Variants in LANCL1 observed in about 807,000 individuals in gnomAD.
LANCL1 encodes the protein LanC like glutathione S-transferase 1.
In LANCL1, 50 loss-of-function variants were observed where a neutral mutation model predicts 50.6. The observed-to-expected ratio is 0.99, with a 90% CI of 0.79 to 1.25. The LOEUF is 1.25. Among genes scored for constraint, LANCL1 ranks in the 50% most tolerant of loss-of-function variants. The pLI, the probability that LANCL1 is intolerant of heterozygous loss-of-function variation, is 0.00. For synonymous variants in LANCL1, 188 were observed against 178.6 expected (o/e 1.05, Z -0.42); for missense variants, 532 against 480.7 (o/e 1.11, Z -1.00).
intron 2 of LANCL1, 75 bp downstream of exon 2, chr2:210,476,241 C>A: frequency 9.8e-7 from 1 of 1,021,680 alleles, no homozygotes; most frequent in Non-Finnish European, 1.5e-6. Flanking sequence ...GCTCAACTCT[C>A]TCAGGCAAAA....
chr2:210,471,538 C>G lies in LANCL1; in HGVS notation c.199+421G>C, dbSNP rs142540579. 237 of 457,844 alleles carry G rather than the reference C, an allele frequency of 5.2e-4. 1 individual carries two copies. Among genetic ancestry groups the G allele is most frequent in the African/African-American group, 3.7e-3 (188 of 50,200 alleles). 28.4% of individuals were successfully genotyped at this position (457,844 alleles called of 1,614,324 possible). On this transcript the variant is annotated intron_variant, in intron 3 of 9. Transcript: ENST00000450366. ...TGGATTCCTGTATGGATTCCTGTTA[C>G]GGGTTAACTTTTTAAAACATGCTTC...
chr2:210,440,491 A>G, intron 6 of LANCL1, 107 bp downstream of exon 6: 3 of 1,039,926 alleles, frequency 2.9e-6, no homozygotes, highest in Non-Finnish European at 4.1e-6. Flanking sequence ...ACTGTAATGC[A>G]GTGGTTGACA....
intron 4 of LANCL1, among the ~76,000 whole-genome samples, chr2:210,443,630 C>T (rs1270364562): frequency 2.0e-5 from 3 of 152,134 alleles, no homozygotes; most frequent in Admixed American, 1.3e-4. Flanking sequence ...TAAGCAGAAG[C>T]AGTGTGCCGT....
chr2:210,439,044 G>GAAT (rs1267060088), intron 6 of LANCL1, among the ~76,000 whole-genome samples: 1 of 152,176 alleles, frequency 6.6e-6, no homozygotes, highest in African/African-American at 2.4e-5. Flanking sequence ...GAGTTGTTTA[G>GAAT]AAGGCAGATT....
At chr2:210,469,161 T>C (rs1284052431) in intron 3 of LANCL1, 1 of 152,228 alleles carries the variant, frequency 6.6e-6, no homozygotes, top group Admixed American at 6.5e-5. Context: ...TATAATTATG[T>C]AAACATTGCT....
chr2:210,475,747 G>C (rs940546170), intron 2 of LANCL1, among the ~76,000 whole-genome samples: 2 of 152,196 alleles, frequency 1.3e-5, no homozygotes, highest in Non-Finnish European at 2.9e-5. Context: ...CTTTTGCACA[G>C]TGATTTGTGA....
intron 6 of LANCL1, among the ~76,000 whole-genome samples, chr2:210,439,751 T>C (rs970195280): frequency 2.6e-5 from 4 of 152,158 alleles, no homozygotes; most frequent in Non-Finnish European, 5.9e-5. Flanking sequence ...ACACTGATCT[T>C]GTATTATAAG....
At chr2:210,462,920 G>A (rs1693907779) in intron 3 of LANCL1, among the ~76,000 whole-genome samples, 1 of 152,078 alleles carries the variant, frequency 6.6e-6, no homozygotes, top group African/African-American at 2.4e-5. Flanking sequence ...AGTTTGTATG[G>A]AATGAGTATC....
In LANCL1 at chr2:210,436,231, C is replaced by T; in HGVS notation, c.1035G>A (p.Leu345=). The change falls in exon 8 of 10, where the codon CTG becomes CTA. Residue 345 remains leucine, a synonymous_variant. Transcript: ENST00000450366. The stretch of plus-strand genomic sequence containing the variant: ...TGACTCCTACCTTACAGGCCCTATA[C>T]AGGTACTTCATGTCCTGTGTGAGGT... The part of the protein sequence containing the change: ...LYNLTQDMKY[L]YRACKFAEWC... The T allele has an allele frequency of 1.9e-6, 3 of 1,613,884 alleles. No homozygotes were observed. The highest frequency in any genetic ancestry group is 2.5e-6 in the Non-Finnish European group (3 of 1,179,910).
Position 210,440,724 on chromosome 2 carries a change from G to T in LANCL1, c.564C>A (p.Thr188=), listed in dbSNP as rs1693102786. ...HIQQICETIL[T]SGENLARKRN... is the part of the protein sequence containing the mutation. ...TCTTCCTAGCTAGGTTTTCTCCAGAGGTTAAAATTGTTTCACAAATCTACA... is the reference window on the plus strand; with the variant it reads ...TCTTCCTAGCTAGGTTTTCTCCAGATGTTAAAATTGTTTCACAAATCTACA... The change falls in exon 6 of 10, where the codon ACC becomes ACA. Residue 188 remains threonine, a synonymous_variant. Transcript: ENST00000450366. 1.5e-5 allele frequency: 24 copies of T among 1,613,370 alleles called. No homozygotes were observed. Among genetic ancestry groups the T allele is most frequent in the Non-Finnish European group, 1.9e-5 (23 of 1,179,774 alleles).
chr2:210,450,642 AC>A (rs1386604147), intron 4 of LANCL1, among the ~76,000 whole-genome samples: 3 of 152,154 alleles, frequency 2.0e-5, no homozygotes, highest in African/African-American at 7.2e-5. Context: ...CAAGAAAAAA[AC>A]ATAACTCCAT....
intron 3 of LANCL1, among the ~76,000 whole-genome samples, chr2:210,462,696 A>AT (rs766760876): frequency 7.9e-5 from 12 of 152,088 alleles, no homozygotes; most frequent in Non-Finnish European, 1.5e-4. Context: ...AACACTGGAG[A>AT]TTTTTTCATT....
At chr2:210,447,540 A>C (rs373698981) in intron 4 of LANCL1, among the ~76,000 whole-genome samples, 6 of 152,334 alleles carry the variant, frequency 3.9e-5, no homozygotes, top group African/African-American at 7.2e-5. Context: ...AAATGCCCCA[A>C]TTAAAATACA....
chr2:210,471,624 G>T (rs970463067), intron 3 of LANCL1: 1 of 488,666 alleles, frequency 2.0e-6, no homozygotes, highest in African/African-American at 1.9e-5. Context: ...TTGTATTTTG[G>T]AACTCTTCCC....
Position 210,476,637 on chromosome 2 carries a change from G to A in LANCL1, c.-34C>T, listed in dbSNP as rs1694389582. The A allele has an allele frequency of 7.8e-7, 1 of 1,285,828 alleles. No homozygotes were observed. The highest frequency in any genetic ancestry group is 3.2e-5 in the East Asian group (1 of 31,312). 79.7% of individuals were successfully genotyped at this position (1,285,828 alleles called of 1,614,324 possible). On this transcript the variant is annotated 5_prime_UTR_variant, in exon 1 of 10. In the 5' UTR this introduces an upstream ATG that the reference lacks. Coordinates refer to ENST00000450366, the MANE Select transcript of LANCL1 (RefSeq NM_006055.3). ...TAACCCACCCGGACAAAGAGGCCCC[G>A]TTTTGCAACCCCGTTCCCACGCCCG... is the stretch of plus-strand genomic sequence containing the variant.
chr2:210,462,421 C>T (rs1224156613), intron 3 of LANCL1, among the ~76,000 whole-genome samples: 1 of 152,158 alleles, frequency 6.6e-6, no homozygotes, highest in Admixed American at 6.5e-5. Context: ...GCATTACGCT[C>T]CCATGTACTA....
intron 3 of LANCL1, among the ~76,000 whole-genome samples, chr2:210,462,906 A>T (rs1693907155): frequency 6.6e-6 from 1 of 152,350 alleles, no homozygotes; most frequent in African/African-American, 2.4e-5. Context: ...AGCCACTTCT[A>T]TGAAGTTTGT....
intron 6 of LANCL1, among the ~76,000 whole-genome samples, chr2:210,438,323 C>T (rs1387417752): frequency 2.0e-5 from 3 of 152,020 alleles, no homozygotes; most frequent in South Asian, 2.1e-4. Context: ...TTAGTAAAGA[C>T]GGGGTTTCAC....
intron 6 of LANCL1, among the ~76,000 whole-genome samples, chr2:210,438,327 G>A (rs1460627986): frequency 2.0e-5 from 3 of 151,964 alleles, no homozygotes; most frequent in Non-Finnish European, 2.9e-5. Context: ...TAAAGACGGG[G>A]TTTCACCATG....
Sources: gnomAD v4.1 joint callset for allele counts (sites outside exome capture counted in the v4.1 genomes callset) on GRCh38, gnomAD v4.1.1 for gene constraint, MANE v1.5 for transcripts, NCBI Gene and HGNC (gene_info 2026-07-23, HGNC 2026-07-21) for gene names.